The following CCNH variants were observed in gnomAD, a reference collection of about 807,000 sequenced individuals.
CCNH encodes the protein cyclin-H.
In CCNH, 31 loss-of-function variants were observed where a neutral mutation model predicts 41.9. The observed-to-expected ratio is 0.74, with a 90% confidence interval of 0.56 to 1.00. The LOEUF (loss-of-function observed/expected upper bound fraction) is 1.00. CCNH is among the 50% of genes least tolerant of loss of function. The pLI, the probability that CCNH is intolerant of heterozygous loss-of-function variation, is 0.00. For synonymous variants in CCNH, 138 were observed against 136.1 expected (o/e 1.01, Z -0.10); for missense variants, 362 against 388.4 (o/e 0.93, Z 0.57).
chr5:87,364,544 A>G (rs1179347681), intron 9 of CCNH, among the ~76,000 whole-genome samples: 1 of 152,124 alleles, frequency 6.6e-6, no homozygotes, highest in Non-Finnish European at 1.5e-5. Flanking sequence ...ATACCTCATA[A>G]AGAGTTGTTC....
chr5:87,362,552 A>C (rs1475091639), intron 9 of CCNH: 1 of 1,589,654 alleles, frequency 6.3e-7, no homozygotes, highest in Non-Finnish European at 8.6e-7. Flanking sequence ...AAAATTCAGG[A>C]TCAAGAACAA....
chr5:87,340,891 A>G (rs745658640), intron 9 of CCNH, among the ~76,000 whole-genome samples: 3 of 152,164 alleles, frequency 2.0e-5, no homozygotes, highest in Non-Finnish European at 4.4e-5. Context: ...GAGACAGGAA[A>G]TGTAGACTTG....
At position 87,394,455 on chromosome 5, in the gene CCNH, TTC is replaced by T; in HGVS notation, c.961_962del (p.Glu321IlefsTer6). ...AATCAACTTCAAATGGTTAGAGAGA[TTC>T]TACCAGGTCGTCATCAGTCCATTCT... is the stretch of plus-strand genomic sequence containing the variant. The part of the protein sequence containing the change: ...EEEWTDDDLV[E>X]SL On this transcript the variant is annotated frameshift_variant, in exon 9 of 9. Transcript: ENST00000256897. LOFTEE classifies it high-confidence loss of function. 6.2e-7 allele frequency: 1 copy of T among 1,613,512 alleles called. No homozygotes were observed. The highest frequency in any genetic ancestry group is 1.1e-5 in the South Asian group (1 of 91,036).
rs752064947 is a variant in CCNH at position 87,409,381 on chromosome 5, T to C, written c.241-18A>G. ...GCCGTACCCTAAGGGTTAAAAAAAA[T>C]ATATCATCAGGATCTAGTCACAAAT... On this transcript the variant is annotated intron_variant, in intron 2 of 8. Coordinates refer to ENST00000256897, the MANE Select transcript of CCNH (RefSeq NM_001239.4). 11 of 1,339,908 alleles carry C rather than the reference T, an allele frequency of 8.2e-6. No individual in the cohort carries two copies. The highest frequency in any genetic ancestry group is 1.1e-5 in the Non-Finnish European group (10 of 941,368). 83.0% of individuals were successfully genotyped at this position (1,339,908 alleles called of 1,614,324 possible). A position where few individuals can be genotyped will look rare whatever the true frequency, so the allele number is the denominator to read the frequency against.
chr5:87,312,302 G>A, the CCNH span, among the ~76,000 whole-genome samples: 356 of 152,268 alleles, frequency 2.3e-3, 2 homozygotes, highest in African/African-American at 8.2e-3. Flanking sequence ...AAGGAAATCT[G>A]TCTTCTGTTA....
At chr5:87,347,557 T>G (rs1758951318) in intron 9 of CCNH, among the ~76,000 whole-genome samples, 1 of 151,984 alleles carries the variant, frequency 6.6e-6, no homozygotes, top group South Asian at 2.1e-4. Context: ...GTGAAATAGA[T>G]TCTTGTGGTG....
downstream of CCNH, chr5:87,390,782 C>A: frequency 6.3e-7 from 1 of 1,594,710 alleles, no homozygotes; most frequent in Non-Finnish European, 8.6e-7. Flanking sequence ...ATTTTCATAC[C>A]ATTTTTCCTC....
At chr5:87,386,946 T>C, downstream of CCNH, 1 of 1,489,544 alleles carries the variant, frequency 6.7e-7, no homozygotes, top group Non-Finnish European at 9.3e-7. Flanking sequence ...GACTTCTAGT[T>C]GATATAGCTG....
At chr5:87,343,117 C>A (rs536648552) in intron 9 of CCNH, among the ~76,000 whole-genome samples, 2 of 152,146 alleles carry the variant, frequency 1.3e-5, no homozygotes, top group South Asian at 2.1e-4. Flanking sequence ...ACTTTAAATT[C>A]TTTAAAGTGT....
downstream of CCNH, among the ~76,000 whole-genome samples, chr5:87,375,940 T>C (rs1442342294): frequency 1.3e-5 from 2 of 152,226 alleles, no homozygotes; most frequent in African/African-American, 2.4e-5. Flanking sequence ...TACCTTATAT[T>C]TGAAGTGCTC....
chr5:87,360,966 G>A (rs867140330), intron 9 of CCNH, among the ~76,000 whole-genome samples: 3 of 152,158 alleles, frequency 2.0e-5, no homozygotes, highest in Middle Eastern at 3.2e-3. Context: ...AGACAGCAAA[G>A]ATGGCCTTTT....
intron 1 of CCNH, 154 bp downstream of exon 1, chr5:87,412,524 G>A: frequency 6.9e-7 from 1 of 1,442,254 alleles, no homozygotes; most frequent in Non-Finnish European, 9.1e-7. Context: ...CACGGAACCT[G>A]GCAAGGTGCT....
In CCNH at chr5:87,404,864, C is replaced by A; in HGVS notation, c.669G>T (p.Arg223Ser). Reference protein sequence around the residue: ...ALTAILSSASRAGITMESYLS... With the variant: ...ALTAILSSASSAGITMESYLS... ...AATACCTTTCCATAGTAATTCCAGC[C>A]CTGGAGGCACTAGATAAAATGGCAG... Residue 223 changes from arginine to serine, a missense_variant, in exon 5 of 9, where the codon AGG becomes AGT. By Grantham distance (110) the Arg-to-Ser change is moderately radical. Coordinates refer to ENST00000256897, the MANE Select transcript of CCNH (RefSeq NM_001239.4). The A allele has an allele frequency of 6.2e-7, 1 of 1,612,504 alleles. No homozygotes were observed. Among genetic ancestry groups the A allele is most frequent in the Non-Finnish European group, 8.5e-7 (1 of 1,179,266 alleles).
At chr5:87,319,506 C>G (rs1365544642) in intron 9 of CCNH, among the ~76,000 whole-genome samples, 4 of 152,238 alleles carry the variant, frequency 2.6e-5, no homozygotes, top group Non-Finnish European at 5.9e-5. Context: ...ATGTGGAATC[C>G]ACCAAGGCTT....
chr5:87,382,552 G>A (rs956609372), intron 9 of CCNH, among the ~76,000 whole-genome samples: 3 of 152,136 alleles, frequency 2.0e-5, no homozygotes, highest in Non-Finnish European at 4.4e-5. Context: ...TTAATTATTA[G>A]TGTGGATTCT....
downstream of CCNH, chr5:87,392,193 G>A: frequency 2.2e-6 from 1 of 450,126 alleles, no homozygotes; most frequent in Non-Finnish European, 4.4e-6. Flanking sequence ...ACCCAAGGAG[G>A]TGTTCCCACA....
chr5:87,344,416 ATC>A (rs1482527790), intron 9 of CCNH, among the ~76,000 whole-genome samples: 1 of 152,120 alleles, frequency 6.6e-6, no homozygotes, highest in Non-Finnish European at 1.5e-5. Flanking sequence ...CTAAAAAATG[ATC>A]TGTTATCTGG....
intron 9 of CCNH, among the ~76,000 whole-genome samples, chr5:87,326,474 AAGCTAGCTGGGAAGACATGT>A (rs1248441090): frequency 1.4e-4 from 22 of 152,316 alleles, no homozygotes; most frequent in Non-Finnish European, 1.5e-5. Flanking sequence ...AAAATTTACA[AAGCTAGCTGGGAAGACATGT>A]ATGTACTTCT....
At chr5:87,354,357 C>CA (rs530414486) in intron 9 of CCNH, among the ~76,000 whole-genome samples, 4 of 152,046 alleles carry the variant, frequency 2.6e-5, no homozygotes, top group Non-Finnish European at 5.9e-5. Flanking sequence ...GTCTTAGTGT[C>CA]ACATTTTGGT....
Sources: gnomAD v4.1 joint callset for allele counts (sites outside exome capture counted in the v4.1 genomes callset) on GRCh38, gnomAD v4.1.1 for gene constraint, MANE v1.5 for transcripts, NCBI Gene and HGNC (gene_info 2026-07-23, HGNC 2026-07-21) for gene names.